Variants in SLC25A27 observed in about 807,000 individuals in gnomAD.
The protein encoded by SLC25A27 is mitochondrial uncoupling protein 4.
A neutral mutation model predicts 49.1 loss-of-function variants in SLC25A27; 35 were observed. The ratio of observed to expected loss-of-function variants is 0.71; its 90% confidence interval spans 0.54 to 0.95. SLC25A27 has a LOEUF of 0.95. Ranked by LOEUF, SLC25A27 falls within the 40% of genes least tolerant of loss-of-function variation. SLC25A27 has a pLI of 0.00. For synonymous variants in SLC25A27, 144 were observed against 136.9 expected (o/e 1.05, Z -0.36); for missense variants, 339 against 397.1 (o/e 0.85, Z 1.24).
intron 8 of SLC25A27, among the ~76,000 whole-genome samples, chr6:46,673,652 C>A (rs1763643505): frequency 6.6e-6 from 1 of 152,108 alleles, no homozygotes; most frequent in Non-Finnish European, 1.5e-5. Flanking sequence ...ACAGAAAATT[C>A]AGTCTGGTTG....
chr6:46,657,556 GAT>G (rs1294988039), intron 2 of SLC25A27, among the ~76,000 whole-genome samples: 1 of 152,114 alleles, frequency 6.6e-6, no homozygotes, highest in Non-Finnish European at 1.5e-5. Flanking sequence ...CAATGGTAGA[GAT>G]AGAGGGAGTT....
At position 46,664,756 on chromosome 6, in the gene SLC25A27, A is replaced by T; in HGVS notation, c.507-18A>T. On this transcript the variant is annotated intron_variant, in intron 4 of 8. Transcript: ENST00000371347. ...AGGAATACATGGAGTTTTCACATTT[A>T]ATTATTATTCTCCTTAGATTTCGTG... The T allele has an allele frequency of 7.0e-7, 1 of 1,437,554 alleles. No individual in the cohort carries two copies. Among genetic ancestry groups the T allele is most frequent in the South Asian group, 1.2e-5 (1 of 80,908 alleles). The allele number at this position is 1,437,554 out of a possible 1,614,324, so 89.0% of individuals were successfully genotyped here.
Position 46,659,011 on chromosome 6 carries a change from G to A in SLC25A27, c.348G>A (p.Val116=), listed in dbSNP as rs138891810. 147 of 1,613,610 alleles carry A rather than the reference G, an allele frequency of 9.1e-5. 2 individuals are homozygous for A. In the African/African-American group the frequency reaches 1.6e-3, roughly 18 times the overall value. Reference sequence around the variant, plus strand: ...CATATGAACATCTCCGAGAGGTTGTGTTTGGCAAAAGTGAAGATGAGCATT... The same window carrying A: ...CATATGAACATCTCCGAGAGGTTGTATTTGGCAAAAGTGAAGATGAGCATT... ...MVTYEHLREV[V]FGKSEDEHYP... is the part of the protein sequence containing the mutation. Residue 116 remains valine, a synonymous_variant, in exon 3 of 9, where the codon GTG becomes GTA. Coordinates refer to ENST00000371347, the MANE Select transcript of SLC25A27 (RefSeq NM_004277.5).
At chr6:46,667,988 C>G (rs1002474239) in intron 5 of SLC25A27, among the ~76,000 whole-genome samples, 2 of 152,176 alleles carry the variant, frequency 1.3e-5, no homozygotes, top group African/African-American at 4.8e-5. Context: ...TTATATAACT[C>G]TAGCATTGTG....
intron 8 of SLC25A27, among the ~76,000 whole-genome samples, chr6:46,675,967 C>A (rs1454851178): frequency 6.6e-6 from 1 of 152,084 alleles, no homozygotes; most frequent in Admixed American, 6.6e-5. Context: ...GCTCCATATA[C>A]AAACTAGATA....
At chr6:46,670,100 T>C (rs761796856) in intron 6 of SLC25A27, 35 bp from the exon 7 acceptor site, 2 of 1,403,940 alleles carry the variant, frequency 1.4e-6, no homozygotes, top group Middle Eastern at 3.5e-4. Context: ...AACTACTACA[T>C]ACCATCTTTC....
rs189051572 is a variant in SLC25A27, at chr6:46,671,247, C to G, written c.900+19C>G. 2.5e-5 allele frequency: 34 copies of G among 1,373,460 alleles called. No homozygotes were observed. The East Asian group carries it at 7.9e-4, about 32-fold the overall frequency. The allele number at this position is 1,373,460 out of a possible 1,614,324, so 85.1% of individuals were successfully genotyped here. ...GAGAATGGTAAAGTTAGGTTTACTTCCTTTGTTTTTTTTCTTTGTACTTAA... is the reference window on the plus strand; with the variant it reads ...GAGAATGGTAAAGTTAGGTTTACTTGCTTTGTTTTTTTTCTTTGTACTTAA... On this transcript the variant is annotated intron_variant, in intron 8 of 8. Transcript: ENST00000371347.
rs1329037370 is a variant in SLC25A27, at chr6:46,677,441, G to A, written c.*987G>A. The A allele has an allele frequency of 6.6e-6, 1 of 152,038 alleles. No homozygotes were observed. The highest frequency in any genetic ancestry group is 1.5e-5 in the Non-Finnish European group (1 of 68,016). 9.4% of individuals were successfully genotyped at this position (152,038 alleles called of 1,614,324 possible). ...TCTTATCTCCCTTACCTGACACTAG[G>A]GGCTCTAGAGAGGCAGAGAGAGCAC... On this transcript the variant is annotated 3_prime_UTR_variant, in exon 9 of 9. Coordinates refer to ENST00000371347, the MANE Select transcript of SLC25A27 (RefSeq NM_004277.5).
chr6:46,677,724 CAG>C lies in SLC25A27; in HGVS notation c.*1272_*1273del, dbSNP rs1442216670. 6.6e-6 allele frequency: 1 copy of C among 152,474 alleles called. No homozygotes were observed. Among genetic ancestry groups the C allele is most frequent in the African/African-American group, 2.4e-5 (1 of 41,404 alleles). 9.4% of individuals were successfully genotyped at this position (152,474 alleles called of 1,614,324 possible). A position where few individuals can be genotyped will look rare whatever the true frequency, so the allele number is the denominator to read the frequency against. On this transcript the variant is annotated 3_prime_UTR_variant, in exon 9 of 9. Transcript: ENST00000371347. ...TGGATAAAGGCTGTAACTGTTAACA[CAG>C]AAAAACATGAAAAGCTCAGGCCCAA...
At chr6:46,653,379 C>T in intron 1 of SLC25A27, 81 bp downstream of exon 1, 1 of 1,486,144 alleles carries the variant, frequency 6.7e-7, no homozygotes, top group Middle Eastern at 2.0e-4. Context: ...GGCTTCGCGC[C>T]CGGCAGTGCG....
At chr6:46,658,075 A>G (rs1418319035) in intron 2 of SLC25A27, among the ~76,000 whole-genome samples, 1 of 152,240 alleles carries the variant, frequency 6.6e-6, no homozygotes, top group Non-Finnish European at 1.5e-5. Flanking sequence ...TTCCTGAAGC[A>G]TGAAAGGATC....
At chr6:46,668,092 C>A (rs901677447) in intron 5 of SLC25A27, among the ~76,000 whole-genome samples, 1 of 152,204 alleles carries the variant, frequency 6.6e-6, no homozygotes, top group Non-Finnish European at 1.5e-5. Flanking sequence ...TGCCTATAAT[C>A]CCAGCACTTT....
intron 2 of SLC25A27, 93 bp from the exon 3 acceptor site, chr6:46,658,869 A>G: frequency 1.1e-6 from 1 of 889,582 alleles, no homozygotes; most frequent in Non-Finnish European, 1.9e-6. Context: ...GAGATTGACT[A>G]GGCCATGTCG....
At chr6:46,655,810 G>A (rs376123978) in intron 1 of SLC25A27, 33 bp from the exon 2 acceptor site, 24 of 1,584,888 alleles carry the variant, frequency 1.5e-5, no homozygotes, top group South Asian at 5.7e-5. Context: ...TCTGAATGTT[G>A]TGGGTTTTTC....
rs1480593858 is a variant in SLC25A27 at position 46,676,759 on chromosome 6, T to C, written c.*305T>C. ...GGGCAAGAAGGTTTGGCCTTTGAGTTGCTATTCTATGCTGAAGAGCCTGCT... is the reference window on the plus strand; with the variant it reads ...GGGCAAGAAGGTTTGGCCTTTGAGTCGCTATTCTATGCTGAAGAGCCTGCT... On this transcript the variant is annotated 3_prime_UTR_variant, in exon 9 of 9. Transcript: ENST00000371347. 1.5e-6 allele frequency: 2 copies of C among 1,328,886 alleles called. No individual in the cohort carries two copies. The highest frequency in any genetic ancestry group is 2.5e-5 in the East Asian group (1 of 39,854). 82.3% of individuals were successfully genotyped at this position (1,328,886 alleles called of 1,614,324 possible).
intron 4 of SLC25A27, among the ~76,000 whole-genome samples, chr6:46,663,540 A>G (rs1304347724): frequency 6.6e-6 from 1 of 152,218 alleles, no homozygotes; most frequent in African/African-American, 2.4e-5. Context: ...TGACTAAATA[A>G]CAGGGAGAAG....
intron 2 of SLC25A27, among the ~76,000 whole-genome samples, chr6:46,656,733 C>T (rs1582496318): frequency 6.6e-6 from 1 of 152,240 alleles, no homozygotes; most frequent in East Asian, 1.9e-4. Flanking sequence ...CACATATAGT[C>T]TCTTAAGAAG....
Position 46,676,515 on chromosome 6 carries a change from G to GCAACACATA in SLC25A27, c.*63_*71dup. On this transcript the variant is annotated 3_prime_UTR_variant, in exon 9 of 9. Transcript: ENST00000371347. Reference sequence around the variant, plus strand: ...CAGTATTATTGAAATATGGGCATCTGCAACACATACCCCCTATTATTTCTA... The same window carrying GCAACACATA: ...CAGTATTATTGAAATATGGGCATCTGCAACACATACAACACATACCCCCTATTATTTCTA... The GCAACACATA allele has an allele frequency of 6.2e-7, 1 of 1,611,602 alleles. No homozygotes were observed. The highest frequency in any genetic ancestry group is 2.2e-5 in the East Asian group (1 of 44,842).
At position 46,676,784 on chromosome 6, in the gene SLC25A27, T is replaced by C; in HGVS notation, c.*330T>C. 2.8e-6 allele frequency: 3 copies of C among 1,080,560 alleles called. No individual in the cohort carries two copies. The allele number at this position is 1,080,560 out of a possible 1,614,324, so 66.9% of individuals were successfully genotyped here. On this transcript the variant is annotated 3_prime_UTR_variant, in exon 9 of 9. Transcript: ENST00000371347. ...TGCTATTCTATGCTGAAGAGCCTGC[T>C]TAGAGGAGGAGTACCAGGAGGGAGC...
Sources: gnomAD v4.1 joint callset for allele counts (sites outside exome capture counted in the v4.1 genomes callset) on GRCh38, gnomAD v4.1.1 for gene constraint, MANE v1.5 for transcripts, NCBI Gene and HGNC (gene_info 2026-07-23, HGNC 2026-07-21) for gene names.